The following PLA2G7 variants were observed in gnomAD, a reference collection of about 807,000 sequenced individuals.
PLA2G7 encodes the protein phospholipase A2 group VII, also known as platelet-activating factor acetylhydrolase.
PLA2G7 carries 63 observed loss-of-function variants against 49.6 expected under a neutral mutation model. The observed-to-expected ratio is 1.27, with a 90% confidence interval of 1.04 to 1.57. The LOEUF is 1.57. Ranked by LOEUF, PLA2G7 falls within the 40% of genes most tolerant of loss-of-function variation. PLA2G7 has a pLI of 0.00. For missense variants in PLA2G7, 596 were observed against 521.2 expected (o/e 1.14, Z -1.40); for synonymous variants, 193 against 169.9 (o/e 1.14, Z -1.06).
At chr6:46,723,615 C>G (rs2150708145) in intron 1 of PLA2G7, among the ~76,000 whole-genome samples, 1 of 152,314 alleles carries the variant, frequency 6.6e-6, no homozygotes, top group Middle Eastern at 3.4e-3. Flanking sequence ...CAAAAACTAT[C>G]TTGCATTTGT....
chr6:46,707,383 G>A (rs1211838060), intron 10 of PLA2G7, among the ~76,000 whole-genome samples: 2 of 152,256 alleles, frequency 1.3e-5, no homozygotes, highest in Non-Finnish European at 2.9e-5. Context: ...TTGGATCTGT[G>A]TCCCCACCAA....
rs771977406 is a variant in PLA2G7 at position 46,711,630 on chromosome 6, A to G, written c.540-11T>C. ...GATGCAGATCTATCTCTATAATACAAGCAAAATTATTATTTATGCATGCTC... is the reference window on the plus strand; with the variant it reads ...GATGCAGATCTATCTCTATAATACAGGCAAAATTATTATTTATGCATGCTC... On this transcript the variant is annotated splice_polypyrimidine_tract_variant and intron_variant, in intron 6 of 11. Coordinates refer to ENST00000274793, the MANE Select transcript of PLA2G7 (RefSeq NM_005084.4). The G allele has an allele frequency of 1.2e-6, 2 of 1,613,202 alleles. No individual in the cohort carries two copies. Among genetic ancestry groups the G allele is most frequent in the South Asian group, 2.2e-5 (2 of 91,056 alleles).
intron 1 of PLA2G7, among the ~76,000 whole-genome samples, chr6:46,723,693 C>A (rs1474370519): frequency 6.6e-6 from 1 of 152,102 alleles, no homozygotes. Flanking sequence ...TCCAAGCCAC[C>A]ATCATCTCTT....
At position 46,714,492 on chromosome 6, in the gene PLA2G7, A is replaced by C; in HGVS notation, c.438T>G (p.Leu146=). 6.2e-7 allele frequency: 1 copy of C among 1,612,750 alleles called. No individual in the cohort carries two copies. Among genetic ancestry groups the C allele is most frequent in the Non-Finnish European group, 8.5e-7 (1 of 1,178,948 alleles). The change falls in exon 5 of 12, where the codon CTT becomes CTG. Residue 146 remains leucine, a synonymous_variant. Transcript: ENST00000274793. ...SPLRPGEKYP[L]VVFSHGLGAF... ...CCCCAAGACCATGAGAAAAAACAAC[A>C]AGTGGATATTTTTCACCAGGCCTCA...
chr6:46,717,013 C>T lies in PLA2G7; in HGVS notation c.193G>A (p.Val65Ile), dbSNP rs767724546. Residue 65 changes from valine to isoleucine, a missense_variant, in exon 3 of 12, where the codon GTT becomes ATT. By Grantham distance (29) the Val-to-Ile change is conservative. Transcript: ENST00000274793. ...TCAAACATTAAGTCTGTACAACCAA[C>T]GGAATAAGGCCCATTTCCCCGGGGG... is the stretch of plus-strand genomic sequence containing the variant. ...KIPRGNGPYS[V>I]GCTDLMFDHT... 4.3e-5 allele frequency: 69 copies of T among 1,613,286 alleles called. No individual in the cohort carries two copies. Among genetic ancestry groups the T allele is most frequent in the Middle Eastern group, 3.3e-4 (2 of 6,084 alleles).
In PLA2G7 at chr6:46,704,332, T is replaced by C; in HGVS notation, c.*228A>G. The C allele has an allele frequency of 1.9e-6, 1 of 528,080 alleles. No homozygotes were observed. Among genetic ancestry groups the C allele is most frequent in the South Asian group, 2.2e-5 (1 of 46,286 alleles). 32.7% of individuals were successfully genotyped at this position (528,080 alleles called of 1,614,324 possible). ...AGGCTGATATGAATATTGTATACTG[T>C]ATTCTTTCTTTACATCTAAAGGGAA... On this transcript the variant is annotated 3_prime_UTR_variant, in exon 12 of 12. Coordinates refer to ENST00000274793, the MANE Select transcript of PLA2G7 (RefSeq NM_005084.4).
chr6:46,706,485 G>T (rs1764832321), intron 10 of PLA2G7, among the ~76,000 whole-genome samples: 1 of 152,214 alleles, frequency 6.6e-6, no homozygotes, highest in East Asian at 1.9e-4. Context: ...GGTCATAGTA[G>T]CCAAGGGAGC....
chr6:46,704,474 TCTCTCACACA>T lies in PLA2G7; in HGVS notation c.*76_*85del, dbSNP rs777889136. 0.014 allele frequency: 826 copies of T among 60,994 alleles called. 3 individuals are homozygous for T. The highest frequency in any genetic ancestry group is 0.11 in the African/African-American group (505 of 4,724). 3.8% of individuals were successfully genotyped at this position (60,994 alleles called of 1,614,324 possible). ...CTCTCTCTCTCTCTCTCTCTCTCTCTCTCTCACACACACACACACACACACACACACACAC... is the reference window on the plus strand; with the variant it reads ...CTCTCTCTCTCTCTCTCTCTCTCTCTCACACACACACACACACACACACAC... On this transcript the variant is annotated 3_prime_UTR_variant, in exon 12 of 12. Transcript: ENST00000274793.
chr6:46,733,062 A>C (rs1765784843), intron 1 of PLA2G7, among the ~76,000 whole-genome samples: 2 of 152,350 alleles, frequency 1.3e-5, no homozygotes, highest in South Asian at 4.1e-4. Context: ...CTTCTTGGGT[A>C]TCAGGAAAAG....
Position 46,714,356 on chromosome 6 carries a change from G to A in PLA2G7, c.470+104C>T, listed in dbSNP as rs142066821. ...TTATTGAGGAAACCCAACTCCTCCA[G>A]ACAAGGGCCTGCATGACATTCCAAA... On this transcript the variant is annotated intron_variant, in intron 5 of 11. Coordinates refer to ENST00000274793, the MANE Select transcript of PLA2G7 (RefSeq NM_005084.4). 25 of 802,494 alleles carry A rather than the reference G, an allele frequency of 3.1e-5. No individual in the cohort carries two copies. In the African/African-American group the frequency reaches 4.2e-4, roughly 13 times the overall value. 49.7% of individuals were successfully genotyped at this position (802,494 alleles called of 1,614,324 possible).
chr6:46,720,817 G>A (rs1672325507), intron 2 of PLA2G7, among the ~76,000 whole-genome samples: 2 of 152,030 alleles, frequency 1.3e-5, no homozygotes, highest in African/African-American at 4.8e-5. Context: ...GTTCAGTCTT[G>A]GGTTTGGAGA....
In PLA2G7 at chr6:46,704,468, TCTCTCTCTCTCACACACACACACACA is replaced by T. The variant is rs1764720404; in HGVS notation, c.*66_*91del. 2.6e-6 allele frequency: 1 copy of T among 384,470 alleles called. No homozygotes were observed. Among genetic ancestry groups the T allele is most frequent in the East Asian group, 5.2e-5 (1 of 19,386 alleles). The allele number at this position is 384,470 out of a possible 1,614,324, so 23.8% of individuals were successfully genotyped here. The stretch of plus-strand genomic sequence containing the variant: ...CTCTCTCTCTCTCTCTCTCTCTCTC[TCTCTCTCTCTCACACACACACACACA>T]CACACACACACACACATAATTTTAG... On this transcript the variant is annotated 3_prime_UTR_variant, in exon 12 of 12. Coordinates refer to ENST00000274793, the MANE Select transcript of PLA2G7 (RefSeq NM_005084.4).
chr6:46,717,217 C>T, intron 2 of PLA2G7, 121 bp from the exon 3 acceptor site: 1 of 885,540 alleles, frequency 1.1e-6, no homozygotes, highest in Non-Finnish European at 1.9e-6. Context: ...TCTTTCTCAA[C>T]CTAACAAGTA....
At chr6:46,722,314 A>T (rs1396816025) in intron 2 of PLA2G7, among the ~76,000 whole-genome samples, 2 of 152,168 alleles carry the variant, frequency 1.3e-5, no homozygotes, top group African/African-American at 4.8e-5. Context: ...AAGACCTGAA[A>T]TTGTTATCTC....
rs556692544 is a variant in PLA2G7 at position 46,728,424 on chromosome 6, G to A, written c.-34-5499C>T. 4.1e-4 allele frequency among the ~76,000 whole-genome samples: 63 copies of A among 152,304 alleles called. 1 individual carries two copies. In the South Asian group the frequency reaches 0.013, roughly 31 times the overall value. ...AATCTCAAAATGTCAATAATGCTGA[G>A]GTTGAGAAACCCTGGTCTAAGAAAA... On this transcript the variant is annotated intron_variant, in intron 1 of 11. Coordinates refer to ENST00000274793, the MANE Select transcript of PLA2G7 (RefSeq NM_005084.4).
chr6:46,719,794 C>T (rs1015313743), intron 2 of PLA2G7, among the ~76,000 whole-genome samples: 2 of 152,142 alleles, frequency 1.3e-5, no homozygotes, highest in East Asian at 1.9e-4. Flanking sequence ...AAGGGGTAGA[C>T]AAATAATGCT....
chr6:46,704,478 T>TCTCTCTCACACACACACACACACA lies in PLA2G7; in HGVS notation c.*81_*82insTGTGTGTGTGTGTGTGTGAGAGAG, dbSNP rs1441279240. On this transcript the variant is annotated 3_prime_UTR_variant, in exon 12 of 12. Coordinates refer to ENST00000274793, the MANE Select transcript of PLA2G7 (RefSeq NM_005084.4). ...CTCTCTCTCTCTCTCTCTCTCTCTCTCACACACACACACACACACACACAC... is the reference window on the plus strand; with the variant it reads ...CTCTCTCTCTCTCTCTCTCTCTCTCTCTCTCTCACACACACACACACACACACACACACACACACACACACACAC... The TCTCTCTCACACACACACACACACA allele has an allele frequency of 1.3e-5, 1 of 75,902 alleles. No homozygotes were observed. The highest frequency in any genetic ancestry group is 2.7e-5 in the Non-Finnish European group (1 of 37,002). The allele number at this position is 75,902 out of a possible 1,614,324, so 4.7% of individuals were successfully genotyped here.
intron 6 of PLA2G7, 125 bp from the exon 7 acceptor site, chr6:46,711,744 T>A: frequency 1.0e-6 from 1 of 957,836 alleles, no homozygotes; most frequent in Non-Finnish European, 1.6e-6. Flanking sequence ...TCTTCCACTC[T>A]ATATTTTCTC....
chr6:46,729,788 T>A (rs987013514), intron 1 of PLA2G7, among the ~76,000 whole-genome samples: 7 of 152,188 alleles, frequency 4.6e-5, no homozygotes, highest in Admixed American at 6.5e-5. Flanking sequence ...ACACCCCAGT[T>A]GTGGCAACTA....
Sources: allele counts gnomAD v4.1 joint callset (sites outside exome capture counted in the v4.1 genomes callset), GRCh38; gene constraint gnomAD v4.1.1; transcripts MANE v1.5; gene names NCBI Gene and HGNC (gene_info 2026-07-23, HGNC 2026-07-21).